Variants in HMCN1 observed in about 807,000 individuals in gnomAD.
The protein encoded by HMCN1 is hemicentin-1.
In HMCN1, 321 loss-of-function variants were observed where a neutral mutation model predicts 625.9. The observed-to-expected ratio is 0.51, with a 90% CI of 0.47 to 0.56. The LOEUF is 0.56. HMCN1 is among the 20% of genes least tolerant of loss of function. The probability of loss-of-function intolerance (pLI) is 0.00; values close to 1 mark genes in which losing one functional copy is unlikely to be tolerated. For synonymous variants in HMCN1, 2,425 were observed against 2,417.6 expected, an observed-to-expected ratio of 1.00 and a Z score of -0.09; for missense variants, 6,588 against 6,887.3, an observed-to-expected ratio of 0.96 and a Z score of 1.54.
rs749406940 is a variant in HMCN1 at position 186,015,392 on chromosome 1, A to C, written c.4864A>C (p.Asn1622His). 1.2e-6 allele frequency: 2 copies of C among 1,613,580 alleles called. No homozygotes were observed. Residue 1622 changes from asparagine to histidine, a missense_variant, in exon 31 of 107, where the codon AAT becomes CAT. Coordinates refer to ENST00000271588, the MANE Select transcript of HMCN1 (RefSeq NM_031935.3). ...AGCAACATATACGTGTCATGTAGCC[A>C]ATGTTGCTGGAACTGCTGAAAAATC... ...DSATYTCHVANVAGTAEKSFH... is the reference protein window; with the variant it reads ...DSATYTCHVAHVAGTAEKSFH...
intron 1 of HMCN1, among the ~76,000 whole-genome samples, chr1:185,825,343 A>AG (rs1660452052): frequency 1.3e-5 from 2 of 152,184 alleles, no homozygotes; most frequent in Non-Finnish European, 2.9e-5. Flanking sequence ...TGCTGTATTT[A>AG]GGGGGTAACT....
At chr1:185,896,843 G>A (rs1665521057) in intron 4 of HMCN1, among the ~76,000 whole-genome samples, 2 of 152,278 alleles carry the variant, frequency 1.3e-5, no homozygotes, top group South Asian at 2.1e-4. Flanking sequence ...TAACTTAAGA[G>A]TTTTCTTCTC....
At chr1:185,853,186 A>G (rs1662266301) in intron 2 of HMCN1, among the ~76,000 whole-genome samples, 1 of 152,168 alleles carries the variant, frequency 6.6e-6, no homozygotes, top group African/African-American at 2.4e-5. Flanking sequence ...GGCTGATCTC[A>G]TCCTCAACAA....
chr1:186,037,212 C>T (rs1655892242), intron 36 of HMCN1, among the ~76,000 whole-genome samples: 1 of 151,964 alleles, frequency 6.6e-6, no homozygotes, highest in African/African-American at 2.4e-5. Context: ...TCAAACAAGA[C>T]AGAACCTTTA....
rs568421301 is a variant in HMCN1 at position 185,741,671 on chromosome 1, TAGAAGTCAAGAAACTGTTTCAAGGA to T, written c.268+6629_268+6653del. Among the ~76,000 whole-genome samples the T allele has an allele frequency of 1.1e-3, 165 of 152,308 alleles. 4 individuals are homozygous for T. The East Asian group carries it at 0.028, about 26-fold the overall frequency. On this transcript the variant is annotated intron_variant, in intron 1 of 106. Coordinates refer to ENST00000271588, the MANE Select transcript of HMCN1 (RefSeq NM_031935.3). ...ATAGGAGGAGAAGAGTATGTTATCC[TAGAAGTCAAGAAACTGTTTCAAGGA>T]AGAACTAATTGGTCACTTAAAAGGA... is the stretch of plus-strand genomic sequence containing the variant.
chr1:186,095,918 G>T (rs1479231412), intron 68 of HMCN1, among the ~76,000 whole-genome samples: 1 of 152,072 alleles, frequency 6.6e-6, no homozygotes, highest in South Asian at 2.1e-4. Context: ...CTTATAGCTG[G>T]AATAATCATT....
rs887993166 is a variant in HMCN1 at position 186,019,630 on chromosome 1, C to T, written c.5560C>T (p.Pro1854Ser). The T allele has an allele frequency of 1.9e-6, 3 of 1,611,652 alleles. No homozygotes were observed. The African/African-American group carries it at 4.0e-5, about 22-fold the overall frequency. Reference protein sequence around the residue: ...VALQCIANGIPNPSITWLKDD... With the variant: ...VALQCIANGISNPSITWLKDD... ...CTTGCAGTGCATAGCCAATGGGATT[C>T]CAAATCCTTCCATTACATGGTTAAA... The change falls in exon 35 of 107, where the codon CCA (proline) becomes TCA (serine). Residue 1854 changes from proline to serine, a missense_variant. Around this residue, in one of 3 missense-constraint regions of HMCN1, gnomAD observed 4,628 missense variants for 4,853.1 expected, o/e 0.95. Coordinates refer to ENST00000271588, the MANE Select transcript of HMCN1 (RefSeq NM_031935.3).
At chr1:186,055,795 T>C (rs958809985) in intron 45 of HMCN1, 121 bp downstream of exon 45, 4 of 979,720 alleles carry the variant, frequency 4.1e-6, no homozygotes, top group South Asian at 2.6e-5. Context: ...TTTAAACATA[T>C]ATACCTTTTC....
intron 10 of HMCN1, 44 bp downstream of exon 10, chr1:185,928,711 A>C (rs1171496869): frequency 6.3e-7 from 1 of 1,599,786 alleles, no homozygotes; most frequent in Admixed American, 1.7e-5. Context: ...GTATTAATGC[A>C]GCTATGGAAA....
chr1:186,113,903 A>G (rs1661004405), intron 72 of HMCN1, 76 bp from the exon 73 acceptor site: 2 of 1,500,980 alleles, frequency 1.3e-6, no homozygotes, highest in East Asian at 2.3e-5. Flanking sequence ...CTCATCTTAT[A>G]TTACATCTTC....
At chr1:185,805,203 A>T (rs897562099) in intron 1 of HMCN1, among the ~76,000 whole-genome samples, 64 of 152,316 alleles carry the variant, frequency 4.2e-4, no homozygotes, top group African/African-American at 1.4e-3. Context: ...TTTTTAAAAA[A>T]TTCTAAAGAC....
intron 97 of HMCN1, among the ~76,000 whole-genome samples, chr1:186,162,216 C>T (rs558618825): frequency 6.6e-6 from 1 of 152,318 alleles, no homozygotes; most frequent in African/African-American, 2.4e-5. Flanking sequence ...GCATCGGCTC[C>T]TGAGGCTTCT....
At chr1:185,982,144 T>C in intron 17 of HMCN1, 118 bp from the exon 18 acceptor site, 1 of 954,836 alleles carries the variant, frequency 1.0e-6, no homozygotes, top group South Asian at 1.3e-5. Context: ...GTAAATATTT[T>C]GTTTCTGAAA....
At chr1:185,858,974 T>C (rs993903600) in intron 2 of HMCN1, among the ~76,000 whole-genome samples, 3 of 151,552 alleles carry the variant, frequency 2.0e-5, no homozygotes, top group Non-Finnish European at 2.9e-5. Context: ...AGAAAGTCCG[T>C]TGATGATTTG....
At chr1:185,772,231 G>T (rs1035711354) in intron 1 of HMCN1, among the ~76,000 whole-genome samples, 1 of 152,132 alleles carries the variant, frequency 6.6e-6, no homozygotes, top group Non-Finnish European at 1.5e-5. Flanking sequence ...AGTTCTGTGA[G>T]TGATGAAGAA....
At chr1:186,038,550 T>C (rs1189385817) in intron 37 of HMCN1, among the ~76,000 whole-genome samples, 2 of 152,104 alleles carry the variant, frequency 1.3e-5, no homozygotes, top group African/African-American at 4.8e-5. Flanking sequence ...AAAAAATAGA[T>C]AGGTTGAAAG....
rs1333481256 is a variant in HMCN1, at chr1:185,932,659, A to G, written c.1553-890A>G. 2.0e-5 allele frequency among the ~76,000 whole-genome samples: 3 copies of G among 151,820 alleles called. No individual in the cohort carries two copies. The East Asian group carries it at 5.8e-4, about 29-fold the overall frequency. Reference sequence around the variant, plus strand: ...CCTCATGTTTTCACTCATAAGTGGGAGTTGAACGATGAGAACACGTGGACA... The same window carrying G: ...CCTCATGTTTTCACTCATAAGTGGGGGTTGAACGATGAGAACACGTGGACA... On this transcript the variant is annotated intron_variant, in intron 10 of 106. Coordinates refer to ENST00000271588, the MANE Select transcript of HMCN1 (RefSeq NM_031935.3).
intron 1 of HMCN1, among the ~76,000 whole-genome samples, chr1:185,787,539 C>G (rs1001617415): frequency 6.6e-6 from 1 of 152,160 alleles, no homozygotes; most frequent in South Asian, 2.1e-4. Context: ...AAGGAAGTCA[C>G]CAGTGTGGGA....
chr1:186,179,270 A>G, intron 104 of HMCN1, among the ~76,000 whole-genome samples: 1 of 152,176 alleles, frequency 6.6e-6, no homozygotes, highest in Non-Finnish European at 1.5e-5. Context: ...ATTATTGTGT[A>G]TGTTTGTACG....
Sources: gnomAD v4.1 joint callset for allele counts (sites outside exome capture counted in the v4.1 genomes callset) on GRCh38, gnomAD v4.1.1 for gene constraint, gnomAD v4.1.1 regional missense constraint, MANE v1.5 for transcripts, NCBI Gene and HGNC (gene_info 2026-07-23, HGNC 2026-07-21) for gene names.